Variants in IFT88 observed in about 807,000 individuals in gnomAD.
IFT88 encodes the protein intraflagellar transport 88.
IFT88 carries 74 observed loss-of-function variants against 119.5 expected under a neutral mutation model. That is an observed-to-expected ratio of 0.62 (90% confidence interval 0.51 to 0.75). The LOEUF is 0.75. IFT88 is among the 30% of genes least tolerant of loss of function. The pLI is 0.00. For missense variants in IFT88, 961 were observed against 977.7 expected (o/e 0.98, Z 0.23); for synonymous variants, 279 against 316.7 (o/e 0.88, Z 1.26).
At chr13:20,675,516 C>T (rs2056553320) in intron 24 of IFT88, among the ~76,000 whole-genome samples, 1 of 152,140 alleles carries the variant, frequency 6.6e-6, no homozygotes, top group African/African-American at 2.4e-5. Context: ...TGCCAGTATA[C>T]CCAGCTGGTG....
At chr13:20,686,478 T>G (rs1447116673) in intron 24 of IFT88, among the ~76,000 whole-genome samples, 1 of 152,220 alleles carries the variant, frequency 6.6e-6, no homozygotes, top group Non-Finnish European at 1.5e-5. Context: ...CTGCTGGGTG[T>G]GAACAGCATA....
intron 9 of IFT88, among the ~76,000 whole-genome samples, chr13:20,597,666 C>T (rs912136291): frequency 9.2e-5 from 14 of 151,672 alleles, no homozygotes; most frequent in Admixed American, 2.6e-4. Context: ...ATGGCGTGAA[C>T]CCGGGAGGCG....
chr13:20,607,186 C>T (rs1011177725), intron 13 of IFT88: 4 of 396,260 alleles, frequency 1.0e-5, no homozygotes, highest in Non-Finnish European at 2.0e-5. Flanking sequence ...TGCTGCACGC[C>T]TGGCGCTTGC....
At chr13:20,586,827 C>T (rs1221056976) in intron 3 of IFT88, among the ~76,000 whole-genome samples, 1 of 152,158 alleles carries the variant, frequency 6.6e-6, no homozygotes. Flanking sequence ...CTAAAGTTCA[C>T]CTAACAACTT....
intron 23 of IFT88, among the ~76,000 whole-genome samples, chr13:20,667,239 G>A (rs180884758): frequency 3.4e-4 from 52 of 152,344 alleles, no homozygotes; most frequent in African/African-American, 1.1e-3. Flanking sequence ...AACTCTGGAA[G>A]GATGAGGGGA....
intron 15 of IFT88, among the ~76,000 whole-genome samples, 194 bp downstream of exon 15, chr13:20,626,043 C>CTTTCTTTTTTTTTTTTTTTTTTTTT (rs2047249498): frequency 2.5e-5 from 1 of 39,574 alleles, no homozygotes; most frequent in African/African-American, 1.2e-4. Flanking sequence ...TTTGTCGTTT[C>CTTTCTTTTTTTTTTTTTTTTTTTTT]TTTTTTTTTT....
chr13:20,690,134 C>T (rs371162440), intron 24 of IFT88, among the ~76,000 whole-genome samples: 54 of 152,066 alleles, frequency 3.6e-4, no homozygotes, highest in African/African-American at 1.3e-3. Context: ...TATTCAAAAA[C>T]GAAATGGTCA....
At position 20,599,575 on chromosome 13, in the gene IFT88, T is replaced by C; in HGVS notation, c.812+10T>C. On this transcript the variant is annotated intron_variant, in intron 11 of 25. Transcript: ENST00000351808. ...TCAATAAGCAAATGAGGTAAGTTTATAACAATAGATAATAATTGTAAAATT... is the reference window on the plus strand; with the variant it reads ...TCAATAAGCAAATGAGGTAAGTTTACAACAATAGATAATAATTGTAAAATT... 1 of 1,112,894 alleles carries C rather than the reference T, an allele frequency of 9.0e-7. No homozygotes were observed. The highest frequency in any genetic ancestry group is 1.3e-6 in the Non-Finnish European group (1 of 754,330). The allele number at this position is 1,112,894 out of a possible 1,614,324, so 68.9% of individuals were successfully genotyped here. A position where few individuals can be genotyped will look rare whatever the true frequency, so the allele number is the denominator to read the frequency against.
intron 12 of IFT88, 26 bp from the exon 13 acceptor site, chr13:20,605,009 T>C (rs1291844815): frequency 4.3e-6 from 5 of 1,162,876 alleles, no homozygotes; most frequent in Non-Finnish European, 6.3e-6. Flanking sequence ...GAATTATTCT[T>C]TTTTTCTTCC....
intron 24 of IFT88, among the ~76,000 whole-genome samples, chr13:20,684,557 T>C (rs560907445): frequency 6.6e-6 from 1 of 152,304 alleles, no homozygotes; most frequent in South Asian, 2.1e-4. Context: ...CTCAGCACCA[T>C]CGTTGTATGC....
intron 11 of IFT88, 89 bp from the exon 12 acceptor site, chr13:20,601,616 G>A: frequency 1.3e-6 from 1 of 766,160 alleles, no homozygotes. Context: ...TAAAGTGGGA[G>A]ACGAAAAAAG....
intron 24 of IFT88, among the ~76,000 whole-genome samples, chr13:20,688,998 G>A (rs920152967): frequency 1.3e-5 from 2 of 152,140 alleles, no homozygotes; most frequent in African/African-American, 4.8e-5. Flanking sequence ...GCAGTGGCAC[G>A]ATCTGGCTCA....
chr13:20,615,845 G>C lies in IFT88; in HGVS notation c.1165G>C (p.Val389Leu). 1 of 1,608,694 alleles carries C rather than the reference G, an allele frequency of 6.2e-7. No individual in the cohort carries two copies. Among genetic ancestry groups the C allele is most frequent in the Non-Finnish European group, 8.5e-7 (1 of 1,177,484 alleles). Reference protein sequence around the residue: ...IMTSAKLIAPVIETSFAAGYD... With the variant: ...IMTSAKLIAPLIETSFAAGYD... ...GACATCTGCAAAACTCATTGCTCCT[G>C]TAATTGAAACATCTTTTGCTGCAGG... The change falls in exon 14 of 26, where the codon GTA becomes CTA. Residue 389 changes from valine (V) to leucine (L), a missense_variant. Coordinates refer to ENST00000351808, the MANE Select transcript of IFT88 (RefSeq NM_006531.5).
chr13:20,621,335 G>A (rs1281339241), intron 14 of IFT88, among the ~76,000 whole-genome samples: 2 of 152,036 alleles, frequency 1.3e-5, no homozygotes, highest in African/African-American at 4.8e-5. Flanking sequence ...CCAAACTACT[G>A]GGATTACAGG....
Position 20,631,042 on chromosome 13 carries a change from A to G in IFT88, c.1326A>G (p.Glu442=), listed in dbSNP as rs1566270426. ...CTGTAGAGATCTTAAAAGTGTTGGAAAAAAAGGACAGTAGAGTGAAAAGTG... is the reference window on the plus strand; with the variant it reads ...CTGTAGAGATCTTAAAAGTGTTGGAGAAAAAGGACAGTAGAGTGAAAAGTG... ...NQAVEILKVL[E]KKDSRVKSAA... Residue 442 remains glutamate, a synonymous_variant, in exon 16 of 26, where the codon GAA becomes GAG. Transcript: ENST00000351808. 6.2e-7 allele frequency: 1 copy of G among 1,604,336 alleles called. No homozygotes were observed. The highest frequency in any genetic ancestry group is 1.7e-5 in the Admixed American group (1 of 60,018).
chr13:20,663,396 A>G, intron 22 of IFT88, 102 bp from the exon 23 acceptor site: 3 of 1,549,266 alleles, frequency 1.9e-6, no homozygotes, highest in Non-Finnish European at 2.6e-6. Context: ...TGTAAGCATC[A>G]TTCCTACCTG....
chr13:20,591,404 A>T (rs753304904), intron 5 of IFT88, among the ~76,000 whole-genome samples: 8 of 152,196 alleles, frequency 5.3e-5, no homozygotes, highest in Non-Finnish European at 8.8e-5. Flanking sequence ...AATTTTTTTT[A>T]AAACTATAGC....
At chr13:20,652,608 C>G (rs1367609842) in intron 20 of IFT88, among the ~76,000 whole-genome samples, 1 of 150,610 alleles carries the variant, frequency 6.6e-6, no homozygotes, top group Non-Finnish European at 1.5e-5. Context: ...AGACTGGGAC[C>G]CTGTCTGAAA....
At chr13:20,575,656 C>G (rs2037242909) in intron 2 of IFT88, among the ~76,000 whole-genome samples, 3 of 152,106 alleles carry the variant, frequency 2.0e-5, no homozygotes, top group African/African-American at 7.2e-5. Flanking sequence ...CTGAGGCCTC[C>G]CCAGAAACTG....
Sources: allele counts gnomAD v4.1 joint callset (sites outside exome capture counted in the v4.1 genomes callset), GRCh38; gene constraint gnomAD v4.1.1; transcripts MANE v1.5; gene names NCBI Gene and HGNC (gene_info 2026-07-23, HGNC 2026-07-21).